Variants in PDE4D observed in about 807,000 individuals in gnomAD.
The protein encoded by PDE4D is phosphodiesterase 4D, also known as 3',5'-cyclic-AMP phosphodiesterase 4D.
Under a neutral mutation model 87.4 loss-of-function variants are expected in PDE4D, and 24 were observed. The ratio of observed to expected loss-of-function variants is 0.27; its 90% CI spans 0.20 to 0.39. PDE4D has a LOEUF of 0.39. Ranked by LOEUF, PDE4D falls within the 10% of genes least tolerant of loss-of-function variation. The probability of loss-of-function intolerance (pLI) is 1.00; values close to 1 mark genes in which losing one functional copy is unlikely to be tolerated. For synonymous variants in PDE4D, 384 were observed against 383.2 expected (o/e 1.00, Z -0.02); for missense variants, 714 against 1,041.0 (o/e 0.69, Z 4.32).
chr5:59,194,029 T>TA (rs1744911747), intron 2 of PDE4D, among the ~76,000 whole-genome samples: 1 of 152,204 alleles, frequency 6.6e-6, no homozygotes, highest in African/African-American at 2.4e-5. Context: ...GACTGCATCA[T>TA]ACACTAATAA....
rs116155418 is a variant in PDE4D, at chr5:60,142,393, G to A, written c.42+43164C>T. ...TTCTCATTTTATGAATAAAAGAACA[G>A]AGGCTCAGAAAGATTAAGTGACTCT... On this transcript the variant is annotated intron_variant, in intron 2 of 16. Coordinates refer to the PDE4D transcript ENST00000502484. Among the ~76,000 whole-genome samples the A allele has an allele frequency of 2.6e-3, 401 of 152,312 alleles. 3 individuals are homozygous for A. Among genetic ancestry groups the A allele is most frequent in the African/African-American group, 9.3e-3 (386 of 41,572 alleles).
intron 5 of PDE4D, among the ~76,000 whole-genome samples, chr5:59,127,927 T>A (rs578213508): frequency 5.3e-5 from 8 of 152,018 alleles, no homozygotes; most frequent in African/African-American, 1.7e-4. Flanking sequence ...ACTTTGTTCC[T>A]TAGCGTTCTG....
At chr5:59,521,317 A>C (rs1812199777) in intron 1 of PDE4D, among the ~76,000 whole-genome samples, 1 of 152,222 alleles carries the variant, frequency 6.6e-6, no homozygotes, top group Non-Finnish European at 1.5e-5. Context: ...CCCATCTTGC[A>C]TAAAGCAGTC....
chr5:59,772,278 A>C (rs926846918), intron 1 of PDE4D, among the ~76,000 whole-genome samples: 1 of 152,224 alleles, frequency 6.6e-6, no homozygotes, highest in South Asian at 2.1e-4. Flanking sequence ...TGTTTTTCAC[A>C]AAATCTCTTT....
intron 1 of PDE4D, among the ~76,000 whole-genome samples, chr5:59,372,592 C>T (rs1405531199): frequency 6.6e-6 from 1 of 152,180 alleles, no homozygotes; most frequent in Admixed American, 6.5e-5. Flanking sequence ...AGCTATCACT[C>T]CTGCTTGTGG....
chr5:59,006,823 T>C (rs1751711807), intron 6 of PDE4D, among the ~76,000 whole-genome samples: 1 of 152,178 alleles, frequency 6.6e-6, no homozygotes, highest in African/African-American at 2.4e-5. Context: ...TTATTGACTT[T>C]GTAACAGAGG....
At chr5:59,678,320 C>T (rs1033778947) in intron 1 of PDE4D, among the ~76,000 whole-genome samples, 6 of 151,546 alleles carry the variant, frequency 4.0e-5, no homozygotes, top group Non-Finnish European at 8.8e-5. Flanking sequence ...ATTTATAATC[C>T]TATTACTCAG....
At chr5:59,714,992 T>G (rs7734202) in intron 1 of PDE4D, among the ~76,000 whole-genome samples, 12,313 of 152,282 alleles carry the variant, frequency 0.081, 1,546 homozygotes, top group African/African-American at 0.27. Flanking sequence ...ATGGAGTGCT[T>G]GAGAACACCA....
chr5:59,458,836 C>T lies in PDE4D; in HGVS notation c.456-242868G>A, dbSNP rs142500951. On this transcript the variant is annotated intron_variant, in intron 1 of 14. Coordinates refer to ENST00000340635, the MANE Select transcript of PDE4D (RefSeq NM_001104631.2). ...TCTGATTGCTTGCACTTACATGAAA[C>T]TTTCTCATGGATATTGCAGCATCCT... Among the ~76,000 whole-genome samples the T allele has an allele frequency of 4.1e-3, 618 of 152,306 alleles. 2 individuals carry two copies. The highest frequency in any genetic ancestry group is 0.014 in the African/African-American group (574 of 41,548).
At chr5:59,572,647 A>AT (rs1822068279) in intron 1 of PDE4D, among the ~76,000 whole-genome samples, 1 of 151,658 alleles carries the variant, frequency 6.6e-6, no homozygotes, top group Non-Finnish European at 1.5e-5. Context: ...CGCCCAGCTA[A>AT]TTTTTTGTAT....
At chr5:60,483,859 G>A (rs1583906659) in intron 1 of PDE4D, among the ~76,000 whole-genome samples, 1 of 152,112 alleles carries the variant, frequency 6.6e-6, no homozygotes, top group Admixed American at 6.6e-5. Context: ...CTTTTAAAAA[G>A]GGTTCAACAG....
At position 59,601,914 on chromosome 5, in the gene PDE4D, C is replaced by T. The variant is rs181225918; in HGVS notation, c.455+291254G>A. 8.7e-4 allele frequency among the ~76,000 whole-genome samples: 132 copies of T among 152,144 alleles called. 1 individual carries two copies. In the East Asian group the frequency reaches 0.014, roughly 16 times the overall value. On this transcript the variant is annotated intron_variant, in intron 1 of 14. Transcript: ENST00000340635. Reference sequence around the variant, plus strand: ...CTTGATGGGGTGGAATACTTCCAAACTCATTTTACGAATCTAGCATTGCCC... The same window carrying T: ...CTTGATGGGGTGGAATACTTCCAAATTCATTTTACGAATCTAGCATTGCCC...
intron 1 of PDE4D, among the ~76,000 whole-genome samples, chr5:59,737,248 C>CT (rs1008969133): frequency 1.3e-5 from 2 of 152,052 alleles, no homozygotes; most frequent in African/African-American, 4.8e-5. Context: ...TTGGAATAAT[C>CT]TTTTTTTAAA....
chr5:60,143,141 T>C (rs1272945152), intron 2 of PDE4D, among the ~76,000 whole-genome samples: 1 of 152,154 alleles, frequency 6.6e-6, no homozygotes, highest in African/African-American at 2.4e-5. Flanking sequence ...TCTATGGGCT[T>C]TCTGTTTAAC....
At chr5:59,116,168 A>C (rs916635733) in intron 5 of PDE4D, among the ~76,000 whole-genome samples, 1 of 152,150 alleles carries the variant, frequency 6.6e-6, no homozygotes, top group African/African-American at 2.4e-5. Context: ...CATATATAGT[A>C]CTGAACCACA....
At chr5:60,152,310 G>A (rs115774847) in intron 2 of PDE4D, among the ~76,000 whole-genome samples, 1,524 of 152,168 alleles carry the variant, frequency 0.01, 30 homozygotes, top group East Asian at 0.045. Flanking sequence ...TTTTTGGGAA[G>A]AGTTTAAGAA....
rs150126759 is a variant in PDE4D at position 59,356,600 on chromosome 5, A to C, written c.456-140632T>G. Among the ~76,000 whole-genome samples, 9 of 152,240 alleles carry C rather than the reference A, an allele frequency of 5.9e-5. No homozygotes were observed. The East Asian group carries it at 1.4e-3, about 23-fold the overall frequency. On this transcript the variant is annotated intron_variant, in intron 1 of 14. Transcript: ENST00000340635. Reference sequence around the variant, plus strand: ...CTTCTGCACGTACCTACATACCCCTATTTCAAGGTTTACATCATCTTCTTG... The same window carrying C: ...CTTCTGCACGTACCTACATACCCCTCTTTCAAGGTTTACATCATCTTCTTG...
At chr5:59,737,291 G>A (rs1758201961) in intron 1 of PDE4D, among the ~76,000 whole-genome samples, 1 of 151,922 alleles carries the variant, frequency 6.6e-6, no homozygotes, top group Admixed American at 6.6e-5. Context: ...ACTATTCTTG[G>A]TTTTGTATAG....
At chr5:60,497,092 A>G (rs1019315431) in intron 1 of PDE4D, among the ~76,000 whole-genome samples, 10 of 152,222 alleles carry the variant, frequency 6.6e-5, no homozygotes, top group Non-Finnish European at 7.3e-5. Context: ...TTACATTTGT[A>G]TAGTTGTCTT....
Sources: gnomAD v4.1 joint callset for allele counts (sites outside exome capture counted in the v4.1 genomes callset) on GRCh38, gnomAD v4.1.1 for gene constraint, MANE v1.5 for transcripts, NCBI Gene and HGNC (gene_info 2026-07-23, HGNC 2026-07-21) for gene names.